ASPM: variants seen among roughly 807,000 people sequenced by gnomAD.
ASPM encodes abnormal spindle-like microcephaly-associated protein.
ASPM carries 256 observed loss-of-function variants against 366.4 expected under a neutral mutation model. That is an observed-to-expected ratio of 0.70 (90% confidence interval 0.63 to 0.77). The LOEUF (loss-of-function observed/expected upper bound fraction) is 0.77, where lower values mean the gene tolerates loss of function less well. ASPM is among the 30% of genes least tolerant of loss of function. ASPM has a pLI of 0.00. For missense variants in ASPM, 4,146 were observed against 4,090.4 expected, an observed-to-expected ratio of 1.01 and a Z score of -0.37; for synonymous variants, 1,414 against 1,342.9, an observed-to-expected ratio of 1.05 and a Z score of -1.16.
intron 18 of ASPM, among the ~76,000 whole-genome samples, chr1:197,100,108 A>G (rs969050261): frequency 2.0e-5 from 3 of 151,724 alleles, no homozygotes; most frequent in Non-Finnish European, 3.0e-5. Context: ...ATCTTAGCTT[A>G]TATTTTCCAC....
chr1:197,145,472 G>A (rs1658735481), intron 1 of ASPM, among the ~76,000 whole-genome samples: 1 of 151,936 alleles, frequency 6.6e-6, no homozygotes, highest in African/African-American at 2.4e-5. Flanking sequence ...ACTCTGAATA[G>A]GTTTTTTTGG....
In ASPM at chr1:197,105,094, G is replaced by A. The variant is rs376642620; in HGVS notation, c.4157C>T (p.Ala1386Val). ...ILQSRIRMIIAVTSYKRYLWA... is the reference protein window; with the variant it reads ...ILQSRIRMIIVVTSYKRYLWA... ...AAGATATCGTTTATAAGATGTAACA[G>A]CAATTATCATTCTTATCCTAGATTG... Residue 1386 changes from alanine (A) to valine (V), a missense_variant, in exon 18 of 28, where the codon GCT (alanine) becomes GTT (valine). This residue lies in a region of ASPM where 3,624 missense variants were observed against 3,591.7 expected (regional missense o/e 1.01). Coordinates refer to ENST00000367409, the MANE Select transcript of ASPM (RefSeq NM_018136.5). The A allele has an allele frequency of 1.4e-5, 22 of 1,608,574 alleles. No homozygotes were observed. The African/African-American group carries it at 2.1e-4, about 16-fold the overall frequency.
intron 16 of ASPM, 58 bp downstream of exon 16, chr1:197,121,857 C>A (rs979423321): frequency 6.5e-7 from 1 of 1,533,150 alleles, no homozygotes; most frequent in South Asian, 1.1e-5. Flanking sequence ...AAAAATCAAT[C>A]AACAAATACC....
chr1:197,100,251 T>C (rs184555369), intron 18 of ASPM, among the ~76,000 whole-genome samples, 180 bp downstream of exon 18: 11 of 151,856 alleles, frequency 7.2e-5, no homozygotes, highest in Admixed American at 7.2e-4. Context: ...TTCTGTGCTG[T>C]CTTGGCTGAC....
At chr1:197,092,631 C>T (rs917885851) in intron 21 of ASPM, among the ~76,000 whole-genome samples, 1 of 151,884 alleles carries the variant, frequency 6.6e-6, no homozygotes, top group Non-Finnish European at 1.5e-5. Flanking sequence ...AATATCATGA[C>T]CTCCCTAAAA....
In ASPM at chr1:197,100,738, C is replaced by T; in HGVS notation, c.8513G>A (p.Cys2838Tyr). 1 of 1,612,466 alleles carries T rather than the reference C, an allele frequency of 6.2e-7. No individual in the cohort carries two copies. The highest frequency in any genetic ancestry group is 8.5e-7 in the Non-Finnish European group (1 of 1,179,096). The change falls in exon 18 of 28, where the codon TGT becomes TAT. Residue 2838 changes from cysteine to tyrosine, a missense_variant. Coordinates refer to ENST00000367409, the MANE Select transcript of ASPM (RefSeq NM_018136.5). ...GAAGAACTGAATCCGTAGGGCAGCA[C>T]ATTTCTGTGTTTCCAGTTTTCTTGT... is the stretch of plus-strand genomic sequence containing the variant. ...MVTRKLETQK[C>Y]AALRIQFFLQ... is the part of the protein sequence containing the mutation.
intron 8 of ASPM, 96 bp downstream of exon 8, chr1:197,129,819 C>T: frequency 6.8e-7 from 1 of 1,460,458 alleles, no homozygotes; most frequent in Non-Finnish European, 9.5e-7. Flanking sequence ...AGATTGGTTT[C>T]TTTGAGAAAG....
Position 197,124,927 on chromosome 1 carries a change from C to T in ASPM, c.3111G>A (p.Val1037=). The T allele has an allele frequency of 6.2e-7, 1 of 1,612,278 alleles. No homozygotes were observed. The highest frequency in any genetic ancestry group is 1.3e-5 in the African/African-American group (1 of 74,936). ...HGNTILSKDI[V]DRHREKTLRL... is the part of the protein sequence containing the mutation. The stretch of plus-strand genomic sequence containing the variant: ...TGAGAGTTTTTTCTCTGTGCCTATC[C>T]ACAATATCCTTAGATAGAATTGTAT... Residue 1037 remains valine, a synonymous_variant, in exon 12 of 28, where the codon GTG becomes GTA. Transcript: ENST00000367409.
At chr1:197,097,737 G>A (rs967931524) in intron 18 of ASPM, among the ~76,000 whole-genome samples, 1 of 151,600 alleles carries the variant, frequency 6.6e-6, no homozygotes, top group African/African-American at 2.4e-5. Context: ...CCATTTAACT[G>A]TAACAGTAAA....
In ASPM at chr1:197,117,791, G is replaced by T; in HGVS notation, c.4063C>A (p.Gln1355Lys). ...AAAATTAGTCCAGGATACTATACCT[G>T]AATAAGTGATGCTGCTTTATTTTGA... ...KVQNKAASLI[Q>K]GYWRRYSTRQ... is the part of the protein sequence containing the mutation. Residue 1355 changes from glutamine to lysine, a missense_variant and splice_region_variant, in exon 17 of 28, where the codon CAG (glutamine) becomes AAG (lysine). Physicochemically the swap from Gln to Lys is moderately conservative, Grantham distance 53 (BLOSUM62 1). Around this residue, in one of 3 missense-constraint regions of ASPM, gnomAD observed 3,624 missense variants for 3,591.7 expected, o/e 1.01. Coordinates refer to ENST00000367409, the MANE Select transcript of ASPM (RefSeq NM_018136.5). 2 of 1,610,918 alleles carry T rather than the reference G, an allele frequency of 1.2e-6. No homozygotes were observed. The highest frequency in any genetic ancestry group is 1.1e-5 in the South Asian group (1 of 90,514).
rs971599028 is a variant in ASPM, at chr1:197,086,609, C to G, written c.10331+194G>C. Among the ~76,000 whole-genome samples the G allele has an allele frequency of 9.2e-5, 14 of 152,218 alleles. No homozygotes were observed. In the South Asian group the frequency reaches 1.7e-3, roughly 18 times the overall value. The stretch of plus-strand genomic sequence containing the variant: ...GTTTGTTGAATAACTATTAAATGTC[C>G]AAAGCTACAGTATAATGTTATTTCT... On this transcript the variant is annotated intron_variant, in intron 27 of 27. Transcript: ENST00000367409.
chr1:197,122,156 TA>T lies in ASPM; in HGVS notation c.3741+2del. On this transcript the variant is annotated splice_donor_variant, in intron 15 of 27. Transcript: ENST00000367409. LOFTEE classifies it high-confidence loss of function. Reference sequence around the variant, plus strand: ...AATAATTAGAAACTCTTCTTTTACTTACCTTTTCATCTGGAATTGTATTTGA... The same window carrying T: ...AATAATTAGAAACTCTTCTTTTACTTCCTTTTCATCTGGAATTGTATTTGA... The T allele has an allele frequency of 6.2e-7, 1 of 1,607,950 alleles. No individual in the cohort carries two copies. Among genetic ancestry groups the T allele is most frequent in the Non-Finnish European group, 8.5e-7 (1 of 1,174,940 alleles).
Position 197,084,240 on chromosome 1 carries a change from C to T in ASPM, c.*84G>A, listed in dbSNP as rs996450696. The T allele has an allele frequency of 6.1e-6, 6 of 991,400 alleles. No individual in the cohort carries two copies. The highest frequency in any genetic ancestry group is 2.4e-5 in the East Asian group (1 of 40,988). 61.4% of individuals were successfully genotyped at this position (991,400 alleles called of 1,614,324 possible). ...ACAAAGTCAGATTTTAAAAGTTGTA[C>T]ACGGAGAGCAAAAATCACTTTACGT... On this transcript the variant is annotated 3_prime_UTR_variant, in exon 28 of 28. Transcript: ENST00000367409.
At chr1:197,090,430 T>A in intron 23 of ASPM, 42 bp from the exon 24 acceptor site, 1 of 1,443,840 alleles carries the variant, frequency 6.9e-7, no homozygotes, top group Non-Finnish European at 9.6e-7. Flanking sequence ...TTATAGCCAA[T>A]GTTTTCTATT....
At chr1:197,125,352 C>T (rs777042909) in intron 10 of ASPM, among the ~76,000 whole-genome samples, 161 bp from the exon 11 acceptor site, 3 of 152,130 alleles carry the variant, frequency 2.0e-5, no homozygotes, top group Admixed American at 6.5e-5. Context: ...GCTCCATAGT[C>T]GGCAAGTAGA....
At chr1:197,088,752 A>G (rs1656678373) in intron 25 of ASPM, among the ~76,000 whole-genome samples, 1 of 152,130 alleles carries the variant, frequency 6.6e-6, no homozygotes, top group South Asian at 2.1e-4. Context: ...AGACCACTTT[A>G]GTAAGAATCT....
chr1:197,097,919 T>A (rs1037283533), intron 18 of ASPM, among the ~76,000 whole-genome samples: 3 of 151,260 alleles, frequency 2.0e-5, no homozygotes, highest in African/African-American at 7.3e-5. Flanking sequence ...TGTCACAGAA[T>A]TTTGAGACCC....
At chr1:197,125,645 G>A (rs1347914264) in intron 10 of ASPM, among the ~76,000 whole-genome samples, 1 of 152,016 alleles carries the variant, frequency 6.6e-6, no homozygotes, top group Non-Finnish European at 1.5e-5. Context: ...GGCCCATAGA[G>A]CTTAAATGAA....
At chr1:197,094,048 T>TG (rs746378819) in intron 20 of ASPM, 36 bp downstream of exon 20, 1 of 1,188,632 alleles carries the variant, frequency 8.4e-7, no homozygotes, top group Non-Finnish European at 1.2e-6. Flanking sequence ...TTTCCTAAAG[T>TG]AGTTATTTGC....
Sources: gnomAD v4.1 joint callset for allele counts (sites outside exome capture counted in the v4.1 genomes callset) on GRCh38, gnomAD v4.1.1 for gene constraint, gnomAD v4.1.1 regional missense constraint, MANE v1.5 for transcripts, NCBI Gene and HGNC (gene_info 2026-07-23, HGNC 2026-07-21) for gene names.